Variants in GRM3 observed in about 807,000 individuals in gnomAD.
GRM3 encodes glutamate metabotropic receptor 3.
In GRM3, 26 loss-of-function variants were observed where a neutral mutation model predicts 70.5. The observed-to-expected ratio is 0.37, with a 90% CI of 0.27 to 0.51. GRM3 has a LOEUF of 0.51. Among genes scored for constraint, GRM3 ranks in the 20% least tolerant of loss-of-function variants. GRM3 has a pLI of 0.93. For missense variants in GRM3, 859 were observed against 1,123.8 expected (o/e 0.76, Z 3.37); for synonymous variants, 443 against 434.9 (o/e 1.02, Z -0.23).
chr7:86,724,230 T>C (rs1344698944), intron 1 of GRM3, among the ~76,000 whole-genome samples: 2 of 152,068 alleles, frequency 1.3e-5, no homozygotes, highest in Non-Finnish European at 2.9e-5. Context: ...GAAAATAAAA[T>C]AGTAGGATGG....
intron 1 of GRM3, among the ~76,000 whole-genome samples, chr7:86,695,780 G>A (rs73704996): frequency 0.02 from 3,092 of 152,220 alleles, 102 homozygotes; most frequent in African/African-American, 0.069. Flanking sequence ...TTAAAAGGTG[G>A]CTAGCTTCCC....
intron 3 of GRM3, among the ~76,000 whole-genome samples, chr7:86,827,169 G>A (rs555513933): frequency 6.6e-6 from 1 of 152,156 alleles, no homozygotes; most frequent in Non-Finnish European, 1.5e-5. Flanking sequence ...CAAAAGGAGA[G>A]CTGATACCTT....
intron 3 of GRM3, among the ~76,000 whole-genome samples, chr7:86,833,988 A>G (rs746202311): frequency 6.6e-6 from 1 of 152,204 alleles, no homozygotes; most frequent in Non-Finnish European, 1.5e-5. Flanking sequence ...CAAAAGTAGC[A>G]TTTGTTTATT....
chr7:86,787,035 A>G lies in GRM3; in HGVS notation c.1243A>G (p.Thr415Ala). Residue 415 changes from threonine to alanine, a missense_variant, in exon 3 of 6, where the codon ACT becomes GCT. Thr to Ala is a moderately conservative substitution (Grantham distance 58, BLOSUM62 0). Transcript: ENST00000361669. ...AATGCAGCGCACCCTCTGTCCCAACACTACCAAGCTTTGTGATGCTATGAA... is the reference window on the plus strand; with the variant it reads ...AATGCAGCGCACCCTCTGTCCCAACGCTACCAAGCTTTGTGATGCTATGAA... Reference protein sequence around the residue: ...HKMQRTLCPNTTKLCDAMKIL... With the variant: ...HKMQRTLCPNATKLCDAMKIL... 2 of 1,613,516 alleles carry G rather than the reference A, an allele frequency of 1.2e-6. No homozygotes were observed. The highest frequency in any genetic ancestry group is 1.7e-6 in the Non-Finnish European group (2 of 1,179,656).
chr7:86,710,687 G>A (rs1339697003), intron 1 of GRM3, among the ~76,000 whole-genome samples: 2 of 151,566 alleles, frequency 1.3e-5, no homozygotes, highest in African/African-American at 2.4e-5. Flanking sequence ...AGAAAATAAA[G>A]TTTCTTTCTC....
Position 86,864,398 on chromosome 7 carries a change from C to G in GRM3, c.*43C>G. On this transcript the variant is annotated 3_prime_UTR_variant, in exon 6 of 6. Coordinates refer to ENST00000361669, the MANE Select transcript of GRM3 (RefSeq NM_000840.3). Reference sequence around the variant, plus strand: ...GTTCTTGTGTTTTTAGACTGTTAGACAAAAGTGCTCACGTGCAGCTCCAGA... The same window carrying G: ...GTTCTTGTGTTTTTAGACTGTTAGAGAAAAGTGCTCACGTGCAGCTCCAGA... The G allele has an allele frequency of 2.2e-6, 3 of 1,387,004 alleles. No homozygotes were observed. The highest frequency in any genetic ancestry group is 3.1e-6 in the Non-Finnish European group (3 of 972,778). 85.9% of individuals were successfully genotyped at this position (1,387,004 alleles called of 1,614,324 possible).
intron 1 of GRM3, 88 bp downstream of exon 1, chr7:86,644,960 G>A (rs1465166245): frequency 1.2e-5 from 8 of 652,016 alleles, no homozygotes; most frequent in Non-Finnish European, 1.7e-5. Flanking sequence ...AGGCGCAGCC[G>A]GGAAAGTTGA....
intron 4 of GRM3, among the ~76,000 whole-genome samples, chr7:86,846,371 A>G (rs1798655476): frequency 6.6e-6 from 1 of 151,938 alleles, no homozygotes; most frequent in Non-Finnish European, 1.5e-5. Flanking sequence ...TGTTGTCTCA[A>G]CCTCCCAAGG....
At chr7:86,842,508 C>A (rs1334372971) in intron 4 of GRM3, among the ~76,000 whole-genome samples, 1 of 152,074 alleles carries the variant, frequency 6.6e-6, no homozygotes, top group African/African-American at 2.4e-5. Flanking sequence ...TTCATAGACC[C>A]TATAAGCATT....
At chr7:86,769,211 T>C (rs1298912113) in intron 2 of GRM3, among the ~76,000 whole-genome samples, 1 of 152,090 alleles carries the variant, frequency 6.6e-6, no homozygotes, top group Non-Finnish European at 1.5e-5. Flanking sequence ...AGCATTGCCA[T>C]CCATTTTTAA....
chr7:86,823,687 G>T (rs952740692), intron 3 of GRM3, among the ~76,000 whole-genome samples: 1 of 148,938 alleles, frequency 6.7e-6, no homozygotes, highest in Non-Finnish European at 1.5e-5. Context: ...TCTTTTCCCG[G>T]GTTCTAAACA....
chr7:86,776,575 C>T (rs1025177518), intron 2 of GRM3, among the ~76,000 whole-genome samples: 7 of 152,010 alleles, frequency 4.6e-5, no homozygotes, highest in African/African-American at 1.7e-4. Context: ...CCAAGCATAC[C>T]CAACAGCTTT....
intron 1 of GRM3, among the ~76,000 whole-genome samples, chr7:86,729,480 C>T (rs1795673380): frequency 6.6e-6 from 1 of 152,170 alleles, no homozygotes; most frequent in African/African-American, 2.4e-5. Flanking sequence ...GTTTATGCTT[C>T]TAATTCCAAA....
At chr7:86,772,856 A>G (rs1292754898) in intron 2 of GRM3, among the ~76,000 whole-genome samples, 2 of 152,060 alleles carry the variant, frequency 1.3e-5, no homozygotes, top group Non-Finnish European at 2.9e-5. Flanking sequence ...TATAGCATGG[A>G]TATGTTACAA....
chr7:86,804,253 G>A (rs1369343897), intron 3 of GRM3, among the ~76,000 whole-genome samples: 1 of 152,182 alleles, frequency 6.6e-6, no homozygotes, highest in Non-Finnish European at 1.5e-5. Flanking sequence ...AAGAGACACT[G>A]AACCAGTAAA....
At chr7:86,816,814 G>A (rs931199791) in intron 3 of GRM3, among the ~76,000 whole-genome samples, 2 of 151,820 alleles carry the variant, frequency 1.3e-5, no homozygotes, top group Non-Finnish European at 2.9e-5. Context: ...AGAATTTACA[G>A]CCTAATAAGC....
chr7:86,721,195 C>T (rs1343147995), intron 1 of GRM3, among the ~76,000 whole-genome samples: 1 of 152,190 alleles, frequency 6.6e-6, no homozygotes, highest in East Asian at 1.9e-4. Context: ...ACAAATTAAT[C>T]TACTGAGCAG....
rs67046105 is a variant in GRM3, at chr7:86,801,064, CTTTTT to C, written c.1324+13968_1324+13972del. The stretch of plus-strand genomic sequence containing the variant: ...TATGTTTTACCACGGCAAACTTCTT[CTTTTT>C]TTTTTTTTTTTTTTTTTTTGAGACA... On this transcript the variant is annotated intron_variant, in intron 3 of 5. Coordinates refer to ENST00000361669, the MANE Select transcript of GRM3 (RefSeq NM_000840.3). Among the ~76,000 whole-genome samples, 7 of 86,826 alleles carry C rather than the reference CTTTTT, an allele frequency of 8.1e-5. No homozygotes were observed. The South Asian group carries it at 1.3e-3, about 16-fold the overall frequency. The allele number at this position is 86,826 out of a possible 152,430, so 57.0% of individuals were successfully genotyped here. A position where few individuals can be genotyped will look rare whatever the true frequency, so the allele number is the denominator to read the frequency against.
intron 5 of GRM3, among the ~76,000 whole-genome samples, chr7:86,857,072 C>A (rs1251075847): frequency 6.6e-6 from 1 of 151,578 alleles, no homozygotes. Context: ...AGCTCAGTTA[C>A]AAAATTCAGC....
Sources: allele counts gnomAD v4.1 joint callset (sites outside exome capture counted in the v4.1 genomes callset), GRCh38; gene constraint gnomAD v4.1.1; transcripts MANE v1.5; gene names NCBI Gene and HGNC (gene_info 2026-07-23, HGNC 2026-07-21).